Variants in CCSER1 observed in about 807,000 individuals in gnomAD.
CCSER1 encodes coiled-coil serine rich protein 1.
Under a neutral mutation model 82.0 loss-of-function variants are expected in CCSER1, and 41 were observed. The ratio of observed to expected loss-of-function variants is 0.50; its 90% CI spans 0.39 to 0.65. CCSER1 has a LOEUF of 0.65. CCSER1 is among the 30% of genes least tolerant of loss of function. The pLI, the probability that CCSER1 is intolerant of heterozygous loss-of-function variation, is 0.00. For synonymous variants in CCSER1, 414 were observed against 383.9 expected (o/e 1.08, Z -0.92); for missense variants, 1,119 against 1,064.2 (o/e 1.05, Z -0.72).
intron 10 of CCSER1, among the ~76,000 whole-genome samples, chr4:91,159,936 A>G (rs776135323): frequency 6.6e-6 from 1 of 151,914 alleles, no homozygotes; most frequent in Non-Finnish European, 1.5e-5. Context: ...CTAGGGTACA[A>G]GTGCACAATG....
intron 8 of CCSER1, among the ~76,000 whole-genome samples, chr4:90,851,681 T>A (rs546312689): frequency 2.0e-5 from 3 of 152,214 alleles, no homozygotes; most frequent in South Asian, 4.1e-4. Context: ...TGGCTTGTTT[T>A]AACAATGTTC....
At chr4:90,805,574 A>G (rs944373101) in intron 7 of CCSER1, among the ~76,000 whole-genome samples, 2 of 152,218 alleles carry the variant, frequency 1.3e-5, no homozygotes, top group Admixed American at 6.5e-5. Context: ...ATGCAAGGAC[A>G]GGAACATTAG....
intron 8 of CCSER1, among the ~76,000 whole-genome samples, chr4:90,818,836 A>G (rs550573983): frequency 6.6e-6 from 1 of 152,150 alleles, no homozygotes; most frequent in East Asian, 1.9e-4. Flanking sequence ...CCCCAATGAA[A>G]TGGTATGTTA....
intron 8 of CCSER1, among the ~76,000 whole-genome samples, chr4:90,846,961 T>C (rs180721574): frequency 6.6e-6 from 1 of 152,292 alleles, no homozygotes. Flanking sequence ...TTGTGAAATA[T>C]TATGTTTATT....
chr4:90,827,652 A>G (rs1760636059), intron 8 of CCSER1, among the ~76,000 whole-genome samples: 1 of 152,164 alleles, frequency 6.6e-6, no homozygotes, highest in Admixed American at 6.5e-5. Context: ...ACACATTATT[A>G]CTTGTAAAAT....
intron 1 of CCSER1, among the ~76,000 whole-genome samples, chr4:90,246,564 T>G (rs533410164): frequency 4.3e-4 from 66 of 152,268 alleles, no homozygotes; most frequent in Middle Eastern, 3.4e-3. Context: ...AGTAAAAATT[T>G]ATTGCTTGAA....
intron 7 of CCSER1, among the ~76,000 whole-genome samples, chr4:90,725,711 A>G (rs1380514490): frequency 6.6e-6 from 1 of 151,778 alleles, no homozygotes; most frequent in Non-Finnish European, 1.5e-5. Flanking sequence ...CACAAAATAT[A>G]CAGAACTATT....
intron 9 of CCSER1, among the ~76,000 whole-genome samples, chr4:91,054,101 T>C (rs1053440908): frequency 2.6e-5 from 4 of 152,202 alleles, no homozygotes; most frequent in Non-Finnish European, 5.9e-5. Flanking sequence ...TTTTGAGATA[T>C]ATGAGAGGTT....
chr4:90,692,425 A>T, intron 6 of CCSER1, among the ~76,000 whole-genome samples: 1 of 151,910 alleles, frequency 6.6e-6, no homozygotes, highest in East Asian at 1.9e-4. Context: ...GTTGCATTAT[A>T]ATTAGAAAAA....
At chr4:91,073,321 A>C (rs1721628053) in intron 9 of CCSER1, among the ~76,000 whole-genome samples, 1 of 152,116 alleles carries the variant, frequency 6.6e-6, no homozygotes, top group Admixed American at 6.6e-5. Flanking sequence ...TTTTTTCAAT[A>C]AATGGCTAAA....
intron 8 of CCSER1, among the ~76,000 whole-genome samples, chr4:90,861,306 T>G (rs955795009): frequency 6.6e-6 from 1 of 151,786 alleles, no homozygotes; most frequent in African/African-American, 2.4e-5. Flanking sequence ...AGATGTAATG[T>G]GTATTTAAAT....
At chr4:90,576,131 A>G (rs28552866) in intron 5 of CCSER1, among the ~76,000 whole-genome samples, 75 of 152,102 alleles carry the variant, frequency 4.9e-4, no homozygotes, top group African/African-American at 1.7e-3. Context: ...GTTCATGACT[A>G]TATTTCATTT....
At chr4:90,222,943 A>G (rs1742427265) in intron 1 of CCSER1, among the ~76,000 whole-genome samples, 1 of 152,158 alleles carries the variant, frequency 6.6e-6, no homozygotes, top group Non-Finnish European at 1.5e-5. Context: ...AGATTTCATT[A>G]GTTTTCCATG....
chr4:91,073,190 G>T (rs1202094238), intron 9 of CCSER1, among the ~76,000 whole-genome samples: 1 of 152,006 alleles, frequency 6.6e-6, no homozygotes, highest in Non-Finnish European at 1.5e-5. Flanking sequence ...TTGACATTTG[G>T]CTGTTCTTTG....
chr4:90,470,570 C>T (rs1764221547), intron 5 of CCSER1, among the ~76,000 whole-genome samples: 2 of 152,004 alleles, frequency 1.3e-5, no homozygotes, highest in Non-Finnish European at 1.5e-5. Flanking sequence ...AGTTTTGGTT[C>T]TCAAATGATA....
chr4:91,277,978 T>C (rs1460856162), intron 10 of CCSER1, among the ~76,000 whole-genome samples: 1 of 152,134 alleles, frequency 6.6e-6, no homozygotes, highest in African/African-American at 2.4e-5. Flanking sequence ...TTCCATTTAT[T>C]TGTACAGCTT....
At chr4:91,360,748 C>T (rs1434423643) in intron 10 of CCSER1, among the ~76,000 whole-genome samples, 3 of 151,848 alleles carry the variant, frequency 2.0e-5, no homozygotes, top group Middle Eastern at 3.2e-3. Context: ...AAGGATGCTA[C>T]ATTTGACACA....
intron 1 of CCSER1, among the ~76,000 whole-genome samples, chr4:90,204,050 C>T (rs1738290238): frequency 1.3e-5 from 2 of 150,888 alleles, no homozygotes; most frequent in Non-Finnish European, 2.9e-5. Flanking sequence ...TTTGTTTTCT[C>T]TTGTAAATTT....
intron 10 of CCSER1, among the ~76,000 whole-genome samples, chr4:91,176,840 G>T (rs1445236528): frequency 6.6e-6 from 1 of 152,154 alleles, no homozygotes; most frequent in Non-Finnish European, 1.5e-5. Context: ...GCCCTGGCCA[G>T]AACTTCCAAC....
Sources: gnomAD v4.1 joint callset for allele counts (sites outside exome capture counted in the v4.1 genomes callset) on GRCh38, gnomAD v4.1.1 for gene constraint, MANE v1.5 for transcripts, NCBI Gene and HGNC (gene_info 2026-07-23, HGNC 2026-07-21) for gene names.